Variants in ASIC2 observed in about 807,000 individuals in gnomAD.
ASIC2 encodes the protein acid sensing ion channel subunit 2.
Under a neutral mutation model 57.3 loss-of-function variants are expected in ASIC2, and 25 were observed. The ratio of observed to expected loss-of-function variants is 0.44; its 90% CI spans 0.32 to 0.61. The LOEUF is 0.61. Ranked by LOEUF, ASIC2 falls within the 20% of genes least tolerant of loss-of-function variation. ASIC2 has a pLI of 0.06. For synonymous variants in ASIC2, 319 were observed against 307.5 expected, an observed-to-expected ratio of 1.04 and a Z score of -0.39; for missense variants, 641 against 738.1, an observed-to-expected ratio of 0.87 and a Z score of 1.52.
chr17:33,872,180 GGTCCCCCTTTAAGCCCAGCCTGA>G (rs1374675893), intron 1 of ASIC2, among the ~76,000 whole-genome samples: 4 of 152,080 alleles, frequency 2.6e-5, no homozygotes, highest in Non-Finnish European at 5.9e-5. Flanking sequence ...CTGTGTTTGA[GGTCCCCCTTTAAGCCCAGCCTGA>G]GAATCTTGGA....
chr17:34,036,680 GTTTTTTTTTTTTTT>G (rs71147413), intron 1 of ASIC2: 2 of 100,528 alleles, frequency 2.0e-5, no homozygotes, highest in Admixed American at 1.2e-4. Context: ...CTTTGAATTT[GTTTTTTTTTTTTTT>G]TTTTTTTTTT....
intron 1 of ASIC2, among the ~76,000 whole-genome samples, chr17:33,868,781 G>A (rs1306916286): frequency 1.3e-5 from 2 of 152,166 alleles, no homozygotes; most frequent in South Asian, 2.1e-4. Flanking sequence ...ATGTACAAAG[G>A]GGCCAGGCAT....
At chr17:33,607,259 C>T (rs560941836) in intron 1 of ASIC2, among the ~76,000 whole-genome samples, 35 of 152,250 alleles carry the variant, frequency 2.3e-4, no homozygotes, top group African/African-American at 7.9e-4. Context: ...TCTGCCCAAA[C>T]GCAACCTCCT....
chr17:33,251,132 G>A (rs907920090), intron 1 of ASIC2, among the ~76,000 whole-genome samples: 1 of 152,060 alleles, frequency 6.6e-6, no homozygotes, highest in Non-Finnish European at 1.5e-5. Flanking sequence ...GACAGATCCT[G>A]GGCTAAATAT....
rs1336895663 is a variant in ASIC2, at chr17:33,013,388, GGGAGGTTGGCGC to G, written c.*565_*576del. 6.5e-3 allele frequency: 1,002 copies of G among 154,916 alleles called. 16 individuals are homozygous for G. Among genetic ancestry groups the G allele is most frequent in the African/African-American group, 0.022 (935 of 41,570 alleles). 9.6% of individuals were successfully genotyped at this position (154,916 alleles called of 1,614,324 possible). A position where few individuals can be genotyped will look rare whatever the true frequency, so the allele number is the denominator to read the frequency against. Reference sequence around the variant, plus strand: ...CCGCCGTCATAGGCACTGGGGGGGAGGGAGGTTGGCGCGGGTCACCTTTGGCGCCGAAGCCCC... The same window carrying G: ...CCGCCGTCATAGGCACTGGGGGGGAGGGGTCACCTTTGGCGCCGAAGCCCC... On this transcript the variant is annotated 3_prime_UTR_variant, in exon 10 of 10. Coordinates refer to ENST00000225823, the MANE Select transcript of ASIC2 (RefSeq NM_183377.2).
At chr17:33,377,941 G>C (rs1269417600) in intron 1 of ASIC2, among the ~76,000 whole-genome samples, 1 of 152,300 alleles carries the variant, frequency 6.6e-6, no homozygotes, top group East Asian at 1.9e-4. Flanking sequence ...GCTCCATAAG[G>C]CCACTGAGCA....
chr17:33,940,823 C>G (rs573383980), intron 1 of ASIC2, among the ~76,000 whole-genome samples: 3 of 152,162 alleles, frequency 2.0e-5, no homozygotes, highest in Non-Finnish European at 4.4e-5. Flanking sequence ...GGTGTTTGAC[C>G]TGAGACTCAA....
chr17:33,608,969 C>A (rs1022817881), intron 1 of ASIC2, among the ~76,000 whole-genome samples: 1 of 152,160 alleles, frequency 6.6e-6, no homozygotes, highest in African/African-American at 2.4e-5. Flanking sequence ...AGGTATCTTA[C>A]TTTTTGTCTG....
intron 1 of ASIC2, among the ~76,000 whole-genome samples, chr17:34,060,981 A>T (rs1309615013): frequency 6.6e-6 from 1 of 152,186 alleles, no homozygotes; most frequent in African/African-American, 2.4e-5. Context: ...ACACCCAAAT[A>T]CAAGAATAAC....
chr17:34,135,056 T>C (rs1912090848), intron 1 of ASIC2, among the ~76,000 whole-genome samples: 2 of 152,260 alleles, frequency 1.3e-5, no homozygotes, highest in African/African-American at 4.8e-5. Flanking sequence ...ACAGACAGGC[T>C]TGTCAGAACT....
intron 1 of ASIC2, among the ~76,000 whole-genome samples, chr17:33,877,644 A>G (rs1914585579): frequency 6.6e-6 from 1 of 152,186 alleles, no homozygotes; most frequent in Non-Finnish European, 1.5e-5. Flanking sequence ...CTGCAGCTCA[A>G]GGAGGCCTGC....
At position 33,464,017 on chromosome 17, in the gene ASIC2, A is replaced by AC. The variant is rs558145298; in HGVS notation, c.556-351951_556-351950insG. On this transcript the variant is annotated intron_variant, in intron 1 of 9. Transcript: ENST00000359872. ...CATCTGAACACCTAATCACAAAACAATCCAGTTTTGAAATTCTGGATGCAT... is the reference window on the plus strand; with the variant it reads ...CATCTGAACACCTAATCACAAAACAACTCCAGTTTTGAAATTCTGGATGCAT... Among the ~76,000 whole-genome samples, 281 of 152,120 alleles carry AC rather than the reference A, an allele frequency of 1.8e-3. 2 individuals are homozygous for AC. Among genetic ancestry groups the AC allele is most frequent in the Non-Finnish European group, 3.3e-3 (227 of 67,988 alleles).
At chr17:33,525,433 G>C (rs905853663) in intron 1 of ASIC2, among the ~76,000 whole-genome samples, 3 of 152,150 alleles carry the variant, frequency 2.0e-5, no homozygotes, top group African/African-American at 7.2e-5. Flanking sequence ...AGTGAGCTTT[G>C]TTCTGTGATG....
chr17:33,769,453 G>A (rs1026719168), intron 1 of ASIC2, among the ~76,000 whole-genome samples: 1 of 152,186 alleles, frequency 6.6e-6, no homozygotes, highest in Non-Finnish European at 1.5e-5. Context: ...TGGAAGTCCA[G>A]CAAAGGGGCC....
chr17:33,054,886 T>C (rs1194996124), intron 3 of ASIC2, among the ~76,000 whole-genome samples: 1 of 152,162 alleles, frequency 6.6e-6, no homozygotes, highest in East Asian at 1.9e-4. Context: ...TAGGGCGTGA[T>C]GTAGGGCGGG....
chr17:33,729,747 G>C (rs900838468), intron 1 of ASIC2, among the ~76,000 whole-genome samples: 1 of 152,150 alleles, frequency 6.6e-6, no homozygotes, highest in Non-Finnish European at 1.5e-5. Context: ...TCTGTGTAAA[G>C]CGCCTGGGAT....
intron 1 of ASIC2, among the ~76,000 whole-genome samples, chr17:33,953,318 C>G (rs947732665): frequency 6.6e-6 from 1 of 152,130 alleles, no homozygotes; most frequent in African/African-American, 2.4e-5. Flanking sequence ...ACTTTTACAT[C>G]CAATATCATT....
intron 1 of ASIC2, among the ~76,000 whole-genome samples, chr17:34,062,032 T>C (rs183447239): frequency 2.0e-5 from 3 of 152,188 alleles, no homozygotes; most frequent in African/African-American, 7.2e-5. Flanking sequence ...TGGACTTAGA[T>C]ATGTACCGAA....
At chr17:34,149,050 C>T (rs1904408188) in intron 1 of ASIC2, among the ~76,000 whole-genome samples, 1 of 151,960 alleles carries the variant, frequency 6.6e-6, no homozygotes, top group Non-Finnish European at 1.5e-5. Flanking sequence ...ATAATTATAT[C>T]TGGGAAGCAA....
Sources: allele counts gnomAD v4.1 joint callset (sites outside exome capture counted in the v4.1 genomes callset), GRCh38; gene constraint gnomAD v4.1.1; transcripts MANE v1.5; gene names NCBI Gene and HGNC (gene_info 2026-07-23, HGNC 2026-07-21).